KCNN1: variants seen among roughly 807,000 people sequenced by gnomAD.
The protein encoded by KCNN1 is small conductance calcium-activated potassium channel protein 1.
A neutral mutation model predicts 44.7 loss-of-function variants in KCNN1; 20 were observed. That is an observed-to-expected ratio of 0.45 (90% CI 0.32 to 0.65). KCNN1 has a LOEUF of 0.65. Ranked by LOEUF, KCNN1 falls within the 30% of genes least tolerant of loss-of-function variation. The pLI, the probability that KCNN1 is intolerant of heterozygous loss-of-function variation, is 0.05. For missense variants in KCNN1, 632 were observed against 785.3 expected (o/e 0.80, Z 2.33); for synonymous variants, 324 against 341.7 (o/e 0.95, Z 0.57).
chr19:17,985,484 G>C, intron 5 of KCNN1, 31 bp downstream of exon 5: 1 of 1,517,426 alleles, frequency 6.6e-7, no homozygotes, highest in Non-Finnish European at 8.9e-7. Flanking sequence ...GTATGATCCT[G>C]GGAGGTCCAG....
intron 7 of KCNN1, among the ~76,000 whole-genome samples, chr19:17,992,047 G>A (rs986415185): frequency 3.3e-5 from 5 of 152,162 alleles, no homozygotes; most frequent in Admixed American, 6.5e-5. Flanking sequence ...AAGGCTGGGC[G>A]CGGTGGCTCA....
At chr19:17,982,966 G>A (rs1250684634) in intron 4 of KCNN1, among the ~76,000 whole-genome samples, 1 of 152,040 alleles carries the variant, frequency 6.6e-6, no homozygotes, top group Non-Finnish European at 1.5e-5. Context: ...CTTGAACCTG[G>A]GACGCGGAGG....
At chr19:17,958,487 T>TC (rs1406736384) in intron 2 of KCNN1, among the ~76,000 whole-genome samples, 2 of 143,712 alleles carry the variant, frequency 1.4e-5, no homozygotes, top group African/African-American at 5.1e-5. Context: ...TCTCTTTTTT[T>TC]TTTTTTTTTT....
chr19:17,963,884 G>A (rs1464826105), upstream of KCNN1, among the ~76,000 whole-genome samples: 2 of 152,058 alleles, frequency 1.3e-5, no homozygotes, highest in South Asian at 2.1e-4. Flanking sequence ...ATGGCTCCAC[G>A]CCTAGCTAAT....
At chr19:17,986,329 C>T (rs1421029357) in intron 5 of KCNN1, among the ~76,000 whole-genome samples, 6 of 151,046 alleles carry the variant, frequency 4.0e-5, no homozygotes, top group Non-Finnish European at 8.8e-5. Context: ...CGTCATTGCA[C>T]TCCAGCCTGG....
intron 7 of KCNN1, chr19:17,990,181 A>T: frequency 2.2e-6 from 1 of 456,530 alleles, no homozygotes; most frequent in Non-Finnish European, 4.3e-6. Context: ...GATCCATGGG[A>T]TCATGTAGGA....
At position 17,981,883 on chromosome 19, in the gene KCNN1, G is replaced by A. The variant is rs1233681689; in HGVS notation, c.673G>A (p.Asp225Asn). 1.9e-6 allele frequency: 3 copies of A among 1,612,352 alleles called. No homozygotes were observed. The highest frequency in any genetic ancestry group is 2.2e-5 in the East Asian group (1 of 44,820). Residue 225 changes from aspartate to asparagine, a missense_variant, in exon 4 of 10, where the codon GAC becomes AAC. Asp to Asn is a conservative substitution (Grantham distance 23). Coordinates refer to ENST00000684775, the MANE Select transcript of KCNN1 (RefSeq NM_001386974.1). ...GTACGCGCCCTCGGTGGCCGAGGCC[G>A]ACGTGGACGTGCTGCTGTCCATCCC... is the stretch of plus-strand genomic sequence containing the variant. ...FTYAPSVAEA[D>N]VDVLLSIPMF...
rs1250881566 is a variant in KCNN1, at chr19:17,999,807, C to T, written c.*1401C>T. The T allele has an allele frequency of 1.4e-5, 5 of 356,168 alleles. No homozygotes were observed. The East Asian group carries it at 2.2e-4, about 16-fold the overall frequency. The allele number at this position is 356,168 out of a possible 1,614,324, so 22.1% of individuals were successfully genotyped here. ...GGCAGCCTCTGATAAGGCCATCCATCGCCTGGCTCAACGAGATAACTAGGC... is the reference window on the plus strand; with the variant it reads ...GGCAGCCTCTGATAAGGCCATCCATTGCCTGGCTCAACGAGATAACTAGGC... On this transcript the variant is annotated 3_prime_UTR_variant, in exon 10 of 10. Transcript: ENST00000684775.
chr19:17,975,795 A>C (rs916723513), intron 3 of KCNN1, among the ~76,000 whole-genome samples: 1 of 147,918 alleles, frequency 6.8e-6, no homozygotes, highest in African/African-American at 2.5e-5. Flanking sequence ...CATGGCTTTG[A>C]CCTCTTGTGT....
Position 17,982,031 on chromosome 19 carries a change from T to C in KCNN1, c.821T>C (p.Met274Thr). Reference sequence around the variant, plus strand: ...ATCACCTTCAACACGCGCTTCGTCATGAAGACACTCATGACCATCTGCCCC... The same window carrying C: ...ATCACCTTCAACACGCGCTTCGTCACGAAGACACTCATGACCATCTGCCCC... ...NKITFNTRFV[M>T]KTLMTICPGT... The change falls in exon 4 of 10, where the codon ATG (methionine) becomes ACG (threonine). Residue 274 changes from methionine (M) to threonine (T), a missense_variant. Transcript: ENST00000684775. 6.2e-7 allele frequency: 1 copy of C among 1,610,170 alleles called. No individual in the cohort carries two copies. The highest frequency in any genetic ancestry group is 1.3e-5 in the African/African-American group (1 of 74,950).
At chr19:17,997,069 G>A (rs1027457641) in intron 9 of KCNN1, among the ~76,000 whole-genome samples, 19 of 152,194 alleles carry the variant, frequency 1.2e-4, no homozygotes, top group African/African-American at 3.9e-4. Flanking sequence ...CTGCCTGGCC[G>A]GCCTCCCCTG....
intron 2 of KCNN1, among the ~76,000 whole-genome samples, chr19:17,959,167 C>A (rs948544425): frequency 7.9e-5 from 12 of 151,274 alleles, no homozygotes; most frequent in African/African-American, 2.7e-4. Context: ...TGGGATTATA[C>A]GCGTGCGCCA....
chr19:17,998,528 C>T lies in KCNN1; in HGVS notation c.*122C>T. ...CCAACGCTGAGTCAGGCTGAGTGGACTGAGGCCTGCCCCGCCCAGACTGCC... is the reference window on the plus strand; with the variant it reads ...CCAACGCTGAGTCAGGCTGAGTGGATTGAGGCCTGCCCCGCCCAGACTGCC... On this transcript the variant is annotated 3_prime_UTR_variant, in exon 10 of 10. Transcript: ENST00000684775. This position sits in a 1 kb window ranked among gnomAD's most constrained non-coding sequence, Gnocchi z 5.4. 9.4e-7 allele frequency: 1 copy of T among 1,061,182 alleles called. No homozygotes were observed. Among genetic ancestry groups the T allele is most frequent in the Non-Finnish European group, 1.3e-6 (1 of 766,106 alleles). 65.7% of individuals were successfully genotyped at this position (1,061,182 alleles called of 1,614,324 possible).
chr19:17,955,596 A>G (rs1308725521), intron 2 of KCNN1, among the ~76,000 whole-genome samples: 1 of 149,860 alleles, frequency 6.7e-6, no homozygotes, highest in Non-Finnish European at 1.5e-5. Context: ...AAGAAAAAAA[A>G]TAATAATATA....
chr19:17,992,596 G>A (rs12463179), intron 7 of KCNN1, among the ~76,000 whole-genome samples: 28,655 of 151,852 alleles, frequency 0.19, 2,862 homozygotes, highest in African/African-American at 0.26. Context: ...GTGAGACTCC[G>A]TCTCAAAAAA....
chr19:17,991,173 AG>A (rs1414936048), intron 7 of KCNN1, among the ~76,000 whole-genome samples: 3 of 151,242 alleles, frequency 2.0e-5, no homozygotes, highest in African/African-American at 7.3e-5. Context: ...AAATAAAGCG[AG>A]GCGTGGTGAC....
intron 1 of KCNN1, among the ~76,000 whole-genome samples, chr19:17,967,750 A>G (rs1358520123): frequency 6.6e-6 from 1 of 151,862 alleles, no homozygotes; most frequent in Non-Finnish European, 1.5e-5. Context: ...CTCTCCCCGG[A>G]CAGAAGTCCC....
rs372386871 is a variant in KCNN1, at chr19:17,980,545, C to T, written c.499-1164C>T. On this transcript the variant is annotated intron_variant, in intron 3 of 9. Transcript: ENST00000684775. The stretch of plus-strand genomic sequence containing the variant: ...TTTTGGGGAACACTCATATTTCGTT[C>T]GAACTGTGGCCAGTGCTGAGAACTA... Among the ~76,000 whole-genome samples, 63 of 152,110 alleles carry T rather than the reference C, an allele frequency of 4.1e-4. No individual in the cohort carries two copies. In the South Asian group the frequency reaches 0.01, roughly 25 times the overall value.
rs560384100 is a variant in KCNN1, at chr19:17,980,968, G to C, written c.499-741G>C. 7.9e-5 allele frequency among the ~76,000 whole-genome samples: 12 copies of C among 152,224 alleles called. No homozygotes were observed. In the South Asian group the frequency reaches 2.5e-3, roughly 32 times the overall value. On this transcript the variant is annotated intron_variant, in intron 3 of 9. Transcript: ENST00000684775. ...ACAGTGGCTCACACGTGTAATCCCA[G>C]CACTTTGGGAGGCCGAGGCATGTGG... is the stretch of plus-strand genomic sequence containing the variant.
Sources: gnomAD v4.1 joint callset for allele counts (sites outside exome capture counted in the v4.1 genomes callset) on GRCh38, gnomAD v4.1.1 for gene constraint, Gnocchi (gnomAD v3.1) non-coding constraint, MANE v1.5 for transcripts, NCBI Gene and HGNC (gene_info 2026-07-23, HGNC 2026-07-21) for gene names.